The following LGR5 variants were observed in gnomAD, a reference collection of about 807,000 sequenced individuals.
LGR5 encodes the protein leucine-rich repeat-containing G protein-coupled receptor 5.
A neutral mutation model predicts 76.7 loss-of-function variants in LGR5; 54 were observed. That is an observed-to-expected ratio of 0.70 (90% CI 0.57 to 0.88). The LOEUF is 0.88. Among genes scored for constraint, LGR5 ranks in the 40% least tolerant of loss-of-function variants. The pLI, the probability that LGR5 is intolerant of heterozygous loss-of-function variation, is 0.00. For missense variants in LGR5, 1,078 were observed against 1,073.3 expected (o/e 1.00, Z -0.06); for synonymous variants, 406 against 421.9 (o/e 0.96, Z 0.46).
rs564621254 is a variant in LGR5, at chr12:71,551,909, G to C, written c.429-1164G>C. 3.4e-4 allele frequency among the ~76,000 whole-genome samples: 52 copies of C among 152,302 alleles called. No individual in the cohort carries two copies. In the South Asian group the frequency reaches 0.01, roughly 30 times the overall value. On this transcript the variant is annotated intron_variant, in intron 4 of 17. Coordinates refer to ENST00000266674, the MANE Select transcript of LGR5 (RefSeq NM_003667.4). ...AACATCTGCTTCATACAAATGGTTAGGATAAGCAAGAAAGCCAGCAGTTTT... is the reference window on the plus strand; with the variant it reads ...AACATCTGCTTCATACAAATGGTTACGATAAGCAAGAAAGCCAGCAGTTTT...
At chr12:71,553,343 C>A (rs1302812451) in intron 5 of LGR5, 55 bp downstream of exon 5, 5 of 1,476,420 alleles carry the variant, frequency 3.4e-6, no homozygotes, top group Middle Eastern at 1.7e-4. Context: ...ACTGGAAGAC[C>A]TTGGCCTTAA....
intron 2 of LGR5, among the ~76,000 whole-genome samples, chr12:71,518,008 A>G (rs1218690669): frequency 6.6e-6 from 1 of 151,802 alleles, no homozygotes; most frequent in Admixed American, 6.6e-5. Flanking sequence ...CTATCCCACC[A>G]TCTCCCATCT....
rs1176503986 is a variant in LGR5, at chr12:71,559,672, T to C, written c.785+18T>C. On this transcript the variant is annotated intron_variant, in intron 7 of 17. Transcript: ENST00000266674. ...AAAGAACTGTAAGTATTTAGGACAA[T>C]TTTAATGGGAGAACTTTATCCTTTT... 1 of 1,267,916 alleles carries C rather than the reference T, an allele frequency of 7.9e-7. No individual in the cohort carries two copies. The allele number at this position is 1,267,916 out of a possible 1,614,324, so 78.5% of individuals were successfully genotyped here.
chr12:71,560,456 T>C (rs888197908), intron 7 of LGR5, among the ~76,000 whole-genome samples: 1 of 152,156 alleles, frequency 6.6e-6, no homozygotes, highest in Non-Finnish European at 1.5e-5. Flanking sequence ...GTTTGTCTCG[T>C]TATCCCAGGG....
chr12:71,575,192 A>C, intron 13 of LGR5, among the ~76,000 whole-genome samples: 1 of 152,176 alleles, frequency 6.6e-6, no homozygotes, highest in Non-Finnish European at 1.5e-5. Flanking sequence ...GGTTGTGGTG[A>C]GGGTTATGAG....
rs528376996 is a variant in LGR5 at position 71,529,064 on chromosome 12, C to T, written c.356+4587C>T. Among the ~76,000 whole-genome samples the T allele has an allele frequency of 1.3e-4, 20 of 152,316 alleles. No homozygotes were observed. In the South Asian group the frequency reaches 4.1e-3, roughly 32 times the overall value. On this transcript the variant is annotated intron_variant, in intron 3 of 17. Coordinates refer to ENST00000266674, the MANE Select transcript of LGR5 (RefSeq NM_003667.4). Reference sequence around the variant, plus strand: ...TATTCATGCTCAATTGTGAGTGTCACACTTCCTGATTTTCTCCACTATGAC... The same window carrying T: ...TATTCATGCTCAATTGTGAGTGTCATACTTCCTGATTTTCTCCACTATGAC...
intron 1 of LGR5, among the ~76,000 whole-genome samples, chr12:71,450,842 A>C (rs1872220050): frequency 6.6e-6 from 1 of 151,738 alleles, no homozygotes; most frequent in Admixed American, 6.6e-5. Context: ...CTATCCTGCT[A>C]CTCTCTTCAA....
chr12:71,447,698 C>A (rs1432456938), intron 1 of LGR5, among the ~76,000 whole-genome samples: 1 of 152,130 alleles, frequency 6.6e-6, no homozygotes, highest in Non-Finnish European at 1.5e-5. Flanking sequence ...CAACAAGAAA[C>A]AATTCCCTTT....
chr12:71,452,622 G>C (rs1284815950), intron 1 of LGR5, among the ~76,000 whole-genome samples: 4 of 152,208 alleles, frequency 2.6e-5, no homozygotes, highest in African/African-American at 9.6e-5. Flanking sequence ...AATTCAAAAA[G>C]TGCTGTTGAT....
chr12:71,562,167 G>C (rs1008408144), intron 8 of LGR5, among the ~76,000 whole-genome samples: 7 of 152,088 alleles, frequency 4.6e-5, no homozygotes, highest in Non-Finnish European at 1.0e-4. Context: ...TTAATGTCAA[G>C]TCTGCATAGT....
intron 3 of LGR5, among the ~76,000 whole-genome samples, chr12:71,534,894 T>C (rs1162369843): frequency 1.3e-5 from 2 of 152,198 alleles, no homozygotes; most frequent in East Asian, 3.8e-4. Context: ...ATTCATAGTT[T>C]TGTTTTTTAT....
At chr12:71,512,567 C>A (rs1296363264) in intron 2 of LGR5, among the ~76,000 whole-genome samples, 1 of 152,150 alleles carries the variant, frequency 6.6e-6, no homozygotes, top group Non-Finnish European at 1.5e-5. Context: ...CAAAGCTGTA[C>A]AGGTGGGCTG....
chr12:71,497,757 A>G (rs934270142), intron 1 of LGR5, among the ~76,000 whole-genome samples: 3 of 152,238 alleles, frequency 2.0e-5, no homozygotes, highest in Non-Finnish European at 4.4e-5. Context: ...TATACTTAGA[A>G]GAAATAGGAA....
intron 8 of LGR5, among the ~76,000 whole-genome samples, chr12:71,564,753 CAT>C (rs1332485821): frequency 2.1e-5 from 3 of 140,468 alleles, no homozygotes; most frequent in Admixed American, 7.3e-5. Flanking sequence ...TATATATATA[CAT>C]ATATACATAT....
At chr12:71,485,645 G>A (rs762231380) in intron 1 of LGR5, among the ~76,000 whole-genome samples, 4 of 152,136 alleles carry the variant, frequency 2.6e-5, no homozygotes, top group Non-Finnish European at 5.9e-5. Context: ...CAGAAGGATT[G>A]CTCAAGCCCA....
At chr12:71,554,371 C>T (rs549776397) in intron 5 of LGR5, among the ~76,000 whole-genome samples, 2 of 145,912 alleles carry the variant, frequency 1.4e-5, no homozygotes, top group Non-Finnish European at 3.0e-5. Context: ...TCAGAATGCA[C>T]GGTCTGAAAA....
intron 15 of LGR5, 61 bp from the exon 16 acceptor site, chr12:71,580,217 A>G: frequency 6.9e-7 from 1 of 1,459,056 alleles, no homozygotes; most frequent in South Asian, 1.3e-5. Context: ...AAGAACATGA[A>G]CACTATATTT....
intron 1 of LGR5, among the ~76,000 whole-genome samples, chr12:71,477,642 C>T (rs1010903273): frequency 6.6e-6 from 1 of 151,842 alleles, no homozygotes; most frequent in African/African-American, 2.4e-5. Flanking sequence ...TTGATAAAAT[C>T]CTTATCTTAC....
At chr12:71,503,686 G>T (rs1451344361) in intron 1 of LGR5, among the ~76,000 whole-genome samples, 1 of 152,142 alleles carries the variant, frequency 6.6e-6, no homozygotes, top group Non-Finnish European at 1.5e-5. Context: ...TGGAGGCCTG[G>T]TCTGAGAATA....
Sources: gnomAD v4.1 joint callset for allele counts (sites outside exome capture counted in the v4.1 genomes callset) on GRCh38, gnomAD v4.1.1 for gene constraint, MANE v1.5 for transcripts, NCBI Gene and HGNC (gene_info 2026-07-23, HGNC 2026-07-21) for gene names.